The following ARHGAP5 variants were observed in gnomAD, a reference collection of about 807,000 sequenced individuals.
The protein encoded by ARHGAP5 is rho GTPase-activating protein 5.
A neutral mutation model predicts 116.6 loss-of-function variants in ARHGAP5; 23 were observed. The ratio of observed to expected loss-of-function variants is 0.20; its 90% CI spans 0.14 to 0.28. The LOEUF is 0.28. Ranked by LOEUF, ARHGAP5 falls within the 10% of genes least tolerant of loss-of-function variation. The pLI, the probability that ARHGAP5 is intolerant of heterozygous loss-of-function variation, is 1.00. For missense variants in ARHGAP5, 1,405 were observed against 1,774.8 expected, an observed-to-expected ratio of 0.79 and a Z score of 3.74; for synonymous variants, 574 against 602.0, an observed-to-expected ratio of 0.95 and a Z score of 0.68.
At chr14:32,152,323 A>T (rs2139151738) in intron 5 of ARHGAP5, 100 bp from the exon 6 acceptor site, 1 of 820,338 alleles carries the variant, frequency 1.2e-6, no homozygotes, top group African/African-American at 1.8e-5. Context: ...TATGCTTTAA[A>T]CACATTCTTG....
chr14:32,115,220 T>C (rs976943338), intron 2 of ARHGAP5, among the ~76,000 whole-genome samples: 3 of 152,186 alleles, frequency 2.0e-5, no homozygotes, highest in Admixed American at 1.3e-4. Context: ...AATACTTCTT[T>C]AAGTTTTTGA....
In ARHGAP5 at chr14:32,155,296, A is replaced by G. The variant is rs1042457069; in HGVS notation, c.*348A>G. 1 of 168,632 alleles carries G rather than the reference A, an allele frequency of 5.9e-6. No homozygotes were observed. The highest frequency in any genetic ancestry group is 2.4e-5 in the African/African-American group (1 of 41,982). 10.4% of individuals were successfully genotyped at this position (168,632 alleles called of 1,614,324 possible). A position where few individuals can be genotyped will look rare whatever the true frequency, so the allele number is the denominator to read the frequency against. ...TAGAAATTAAATGATTTAAAAACTC[A>G]CCTATATGAAACATTTAATGCTTTT... On this transcript the variant is annotated 3_prime_UTR_variant, in exon 7 of 7. Coordinates refer to ENST00000345122, the MANE Select transcript of ARHGAP5 (RefSeq NM_001030055.2).
rs1881841955 is a variant in ARHGAP5 at position 32,155,242 on chromosome 14, C to T, written c.*294C>T. ...ATATCATTCCTGTGGCAATTTCTGT[C>T]ACCTTATATTGTGAATAAAATTTTT... On this transcript the variant is annotated 3_prime_UTR_variant, in exon 7 of 7. Transcript: ENST00000345122. The T allele has an allele frequency of 4.1e-6, 1 of 244,250 alleles. No homozygotes were observed. Among genetic ancestry groups the T allele is most frequent in the Non-Finnish European group, 7.9e-6 (1 of 126,022 alleles). 15.1% of individuals were successfully genotyped at this position (244,250 alleles called of 1,614,324 possible).
intron 2 of ARHGAP5, among the ~76,000 whole-genome samples, chr14:32,099,952 T>C (rs1005355405): frequency 6.6e-6 from 1 of 152,204 alleles, no homozygotes; most frequent in African/African-American, 2.4e-5. Flanking sequence ...GAAGTTAGTG[T>C]TAGTTATGGT....
intron 3 of ARHGAP5, among the ~76,000 whole-genome samples, chr14:32,137,971 CAA>C (rs570604721): frequency 2.5e-4 from 20 of 79,268 alleles, no homozygotes; most frequent in Admixed American, 4.3e-4. Flanking sequence ...GGCTTCGTCT[CAA>C]AAAAAAAAAA....
intron 1 of ARHGAP5, among the ~76,000 whole-genome samples, chr14:32,090,073 G>A (rs987556112): frequency 2.6e-5 from 4 of 151,890 alleles, no homozygotes; most frequent in Non-Finnish European, 5.9e-5. Context: ...ACCCTATAAT[G>A]TAAAAAGCAG....
intron 3 of ARHGAP5, among the ~76,000 whole-genome samples, chr14:32,129,525 C>T (rs1184752288): frequency 6.6e-6 from 1 of 152,166 alleles, no homozygotes; most frequent in African/African-American, 2.4e-5. Context: ...TGTTTTGTTT[C>T]ACCACCCCAA....
intron 3 of ARHGAP5, among the ~76,000 whole-genome samples, chr14:32,122,203 A>G (rs1002113499): frequency 1.3e-5 from 2 of 152,200 alleles, no homozygotes; most frequent in African/African-American, 4.8e-5. Flanking sequence ...TTTTGATTAT[A>G]GTCATATAAG....
chr14:32,106,570 G>A (rs1205597043), intron 2 of ARHGAP5, among the ~76,000 whole-genome samples: 1 of 152,040 alleles, frequency 6.6e-6, no homozygotes, highest in Non-Finnish European at 1.5e-5. Flanking sequence ...TTGCTTTCTG[G>A]GGGGCAGTGC....
chr14:32,102,001 A>G (rs896085844), intron 2 of ARHGAP5, among the ~76,000 whole-genome samples: 8 of 152,154 alleles, frequency 5.3e-5, no homozygotes, highest in Admixed American at 1.3e-4. Flanking sequence ...AAAGCTTACT[A>G]TAGGAAGGCA....
chr14:32,110,087 T>G (rs1002389130), intron 2 of ARHGAP5, among the ~76,000 whole-genome samples: 1 of 152,134 alleles, frequency 6.6e-6, no homozygotes, highest in African/African-American at 2.4e-5. Context: ...ACCTCAAGTA[T>G]CTCTTTCTGG....
At position 32,091,848 on chromosome 14, in the gene ARHGAP5, C is replaced by T. The variant is rs1878266572; in HGVS notation, c.1179C>T (p.Asp393=). The change falls in exon 2 of 7, where the codon GAC becomes GAT. Residue 393 remains aspartate, a synonymous_variant. Coordinates refer to ENST00000345122, the MANE Select transcript of ARHGAP5 (RefSeq NM_001030055.2). ...KTPWDETDHI[D]KINDRRIPFD... ...CTTGGGATGAAACTGACCATATAGA[C>T]AAAATTAATGATAGGCGGATTCCAT... is the stretch of plus-strand genomic sequence containing the variant. 1.9e-6 allele frequency: 3 copies of T among 1,613,210 alleles called. No homozygotes were observed. Among genetic ancestry groups the T allele is most frequent in the Non-Finnish European group, 2.5e-6 (3 of 1,179,606 alleles).
At chr14:32,097,350 T>C (rs1237562473) in intron 2 of ARHGAP5, among the ~76,000 whole-genome samples, 1 of 152,188 alleles carries the variant, frequency 6.6e-6, no homozygotes, top group East Asian at 1.9e-4. Flanking sequence ...TCTGTACATG[T>C]AGTTTACCTC....
intron 3 of ARHGAP5, among the ~76,000 whole-genome samples, chr14:32,142,600 G>A (rs1662018520): frequency 6.6e-6 from 1 of 152,184 alleles, no homozygotes; most frequent in African/African-American, 2.4e-5. Flanking sequence ...AAGCCCTTGT[G>A]CCTTCCCTTC....
At chr14:32,142,888 C>T (rs1881191289) in intron 3 of ARHGAP5, among the ~76,000 whole-genome samples, 1 of 152,138 alleles carries the variant, frequency 6.6e-6, no homozygotes, top group Non-Finnish European at 1.5e-5. Flanking sequence ...GGGACTGAGT[C>T]CTGGAATTCT....
intron 3 of ARHGAP5, among the ~76,000 whole-genome samples, chr14:32,134,772 G>T (rs902539636): frequency 6.6e-6 from 1 of 152,116 alleles, no homozygotes; most frequent in African/African-American, 2.4e-5. Context: ...TTTGTCTTTT[G>T]CTTATCCTAA....
At chr14:32,115,031 C>A (rs570381610) in intron 2 of ARHGAP5, among the ~76,000 whole-genome samples, 7 of 152,202 alleles carry the variant, frequency 4.6e-5, no homozygotes, top group Admixed American at 4.6e-4. Flanking sequence ...AACTGAAAAA[C>A]CAACAAGGGC....
intron 3 of ARHGAP5, among the ~76,000 whole-genome samples, chr14:32,126,855 C>T (rs1057294031): frequency 6.6e-6 from 1 of 151,644 alleles, no homozygotes; most frequent in African/African-American, 2.4e-5. Flanking sequence ...ATGAAAACAG[C>T]TCTGGAGATG....
chr14:32,084,561 C>T (rs1251562474), intron 1 of ARHGAP5, among the ~76,000 whole-genome samples: 1 of 152,190 alleles, frequency 6.6e-6, no homozygotes, highest in African/African-American at 2.4e-5. Context: ...ACTGAGCCCT[C>T]ACTGTGTATC....
Sources: gnomAD v4.1 joint callset for allele counts (sites outside exome capture counted in the v4.1 genomes callset) on GRCh38, gnomAD v4.1.1 for gene constraint, MANE v1.5 for transcripts, NCBI Gene and HGNC (gene_info 2026-07-23, HGNC 2026-07-21) for gene names.